MCM3AP: variants seen among roughly 807,000 people sequenced by gnomAD.
The protein encoded by MCM3AP is germinal-center associated nuclear protein.
A neutral mutation model predicts 184.1 loss-of-function variants in MCM3AP; 126 were observed. The ratio of observed to expected loss-of-function variants is 0.68; its 90% CI spans 0.59 to 0.79. The LOEUF (loss-of-function observed/expected upper bound fraction) is 0.79, where lower values mean the gene tolerates loss of function less well. MCM3AP is among the 30% of genes least tolerant of loss of function. MCM3AP has a pLI of 0.00. For missense variants in MCM3AP, 2,496 were observed against 2,479.2 expected (o/e 1.01, Z -0.14); for synonymous variants, 1,002 against 979.3 (o/e 1.02, Z -0.43).
Position 46,285,609 on chromosome 21 carries a change from G to T in MCM3AP, c.-323C>A. ...AGAGGTTTAAAGCGTGATCCTTTAA[G>T]ATTAAAAAAAAAAAAGCCGAATCTT... On this transcript the variant is annotated 5_prime_UTR_variant, in exon 1 of 28. Coordinates refer to ENST00000291688, the MANE Select transcript of MCM3AP (RefSeq NM_003906.5). The T allele has an allele frequency of 2.6e-5, 5 of 190,900 alleles. No individual in the cohort carries two copies. The highest frequency in any genetic ancestry group is 1.0e-4 in the East Asian group (1 of 9,552). 11.8% of individuals were successfully genotyped at this position (190,900 alleles called of 1,614,324 possible).
Position 46,270,525 on chromosome 21 carries a change from G to C in MCM3AP, c.2504C>G (p.Ser835Cys), listed in dbSNP as rs1338307797. The C allele has an allele frequency of 1.9e-6, 3 of 1,613,398 alleles. No individual in the cohort carries two copies. The African/African-American group carries it at 4.0e-5, about 22-fold the overall frequency. Residue 835 changes from serine (S) to cysteine (C), a missense_variant, in exon 9 of 28, where the codon TCT becomes TGT. By Grantham distance (112) the Ser-to-Cys change is moderately radical. Around this residue, in one of 5 missense-constraint regions of MCM3AP, gnomAD observed 138 missense variants for 191.9 expected, o/e 0.72. Coordinates refer to ENST00000291688, the MANE Select transcript of MCM3AP (RefSeq NM_003906.5). Reference protein sequence around the residue: ...QQFHPAVRNSSEVKFAVQAFA... With the variant: ...QQFHPAVRNSCEVKFAVQAFA... ...AGCCTGAACAGCAAATTTCACCTCA[G>C]ATGAGTTTCTAACAGCAGGATGGAA...
chr21:46,272,034 C>T (rs2081187384), intron 8 of MCM3AP, among the ~76,000 whole-genome samples: 1 of 151,758 alleles, frequency 6.6e-6, no homozygotes. Context: ...GCAGAGGGTC[C>T]ACCACAAGCA....
chr21:46,235,292 C>T lies in MCM3AP; in HGVS notation c.5919G>A (p.Ala1973=), dbSNP rs762822817. 23 of 1,614,064 alleles carry T rather than the reference C, an allele frequency of 1.4e-5. No homozygotes were observed. The highest frequency in any genetic ancestry group is 3.3e-5 in the Admixed American group (2 of 60,004). ...CTCAAATGTCCACCATGTCTAGCAGCGCAGAGAGATGGAGCTCAGAGGCAA... is the reference window on the plus strand; with the variant it reads ...CTCAAATGTCCACCATGTCTAGCAGTGCAGAGAGATGGAGCTCAGAGGCAA... ...EEVASELHLS[A]LLDMVDI Residue 1973 remains alanine (A), a synonymous_variant, in exon 28 of 28, where the codon GCG becomes GCA. Coordinates refer to ENST00000291688, the MANE Select transcript of MCM3AP (RefSeq NM_003906.5).
rs371046450 is a variant in MCM3AP, at chr21:46,240,982, T to C, written c.5462A>G (p.Asn1821Ser). Residue 1821 changes from asparagine (N) to serine (S), a missense_variant, in exon 26 of 28, where the codon AAT (asparagine) becomes AGT (serine). Physicochemically the swap from Asn to Ser is conservative, Grantham distance 46. Around this residue, in one of 5 missense-constraint regions of MCM3AP, gnomAD observed 1,323 missense variants for 1,273.4 expected, o/e 1.04. Transcript: ENST00000291688. ...AIKPFHPSAN[N>S]FPIPLLHMHR... ...CATGTGAAGCAATGGTATGGGAAAA[T>C]TGTTTGCAGAAGGATGAAAAGGCTT... The C allele has an allele frequency of 6.4e-5, 104 of 1,614,038 alleles. No individual in the cohort carries two copies. Among genetic ancestry groups the C allele is most frequent in the South Asian group, 5.2e-4 (47 of 91,076 alleles).
intron 16 of MCM3AP, among the ~76,000 whole-genome samples, chr21:46,258,715 C>T (rs1185848199): frequency 8.3e-6 from 1 of 120,622 alleles, no homozygotes; most frequent in African/African-American, 3.1e-5. Flanking sequence ...AATCTAACTC[C>T]TGACTTTTCC....
At chr21:46,248,759 A>T (rs1308393932) in intron 20 of MCM3AP, among the ~76,000 whole-genome samples, 9 of 152,190 alleles carry the variant, frequency 5.9e-5, no homozygotes, top group South Asian at 2.1e-4. Flanking sequence ...GAAAGAGGAA[A>T]TAAGTAATAT....
chr21:46,254,647 A>C, intron 18 of MCM3AP, 121 bp from the exon 19 acceptor site: 1 of 1,432,670 alleles, frequency 7.0e-7, no homozygotes, highest in Non-Finnish European at 9.7e-7. Context: ...ATTGAACTGC[A>C]AACTAGAAAC....
At chr21:46,281,246 T>G (rs2081328457) in intron 2 of MCM3AP, among the ~76,000 whole-genome samples, 2 of 152,168 alleles carry the variant, frequency 1.3e-5, no homozygotes, top group Non-Finnish European at 2.9e-5. Flanking sequence ...AAAAGGGAGC[T>G]GCAGAATAAC....
At chr21:46,259,412 C>G (rs932369945) in intron 15 of MCM3AP, 1 of 178,360 alleles carries the variant, frequency 5.6e-6, no homozygotes, top group African/African-American at 2.4e-5. Flanking sequence ...GCAGAGATCG[C>G]GCCACTGCAC....
chr21:46,246,559 C>G, intron 21 of MCM3AP, 69 bp downstream of exon 21: 1 of 1,588,014 alleles, frequency 6.3e-7, no homozygotes, highest in Non-Finnish European at 8.6e-7. Context: ...ACTGGACCAT[C>G]CTCAGACCCA....
At chr21:46,280,895 T>G (rs1334814138) in intron 2 of MCM3AP, among the ~76,000 whole-genome samples, 1 of 152,012 alleles carries the variant, frequency 6.6e-6, no homozygotes, top group South Asian at 2.1e-4. Context: ...AATCTCCACC[T>G]TCAGGGTTCA....
chr21:46,244,906 G>A lies in MCM3AP; in HGVS notation c.4939C>T (p.Leu1647Phe), dbSNP rs894267294. Residue 1647 changes from leucine to phenylalanine, a missense_variant, in exon 23 of 28, where the codon CTT (leucine) becomes TTT (phenylalanine). This residue lies in a region of MCM3AP where 1,323 missense variants were observed against 1,273.4 expected (regional missense o/e 1.04). Transcript: ENST00000291688. The stretch of plus-strand genomic sequence containing the variant: ...GGGGCATTCCAGTGCAGGTGAGGAA[G>A]CAGCCGGCTGCCCCCTGCCTCAGCA... ...EFAEAGGSRL[L>F]PHLHWNAPEH... 1 of 1,614,172 alleles carries A rather than the reference G, an allele frequency of 6.2e-7. No homozygotes were observed. Among genetic ancestry groups the A allele is most frequent in the Non-Finnish European group, 8.5e-7 (1 of 1,180,024 alleles).
Position 46,252,808 on chromosome 21 carries a change from G to A in MCM3AP, c.4137-1126C>T, listed in dbSNP as rs1384602889. Reference sequence around the variant, plus strand: ...GAAATGTACACTTTAAATGGGTGAAGTTTATGGTATGTGAATAACATTTCA... The same window carrying A: ...GAAATGTACACTTTAAATGGGTGAAATTTATGGTATGTGAATAACATTTCA... On this transcript the variant is annotated intron_variant, in intron 19 of 27. Coordinates refer to ENST00000291688, the MANE Select transcript of MCM3AP (RefSeq NM_003906.5). The A allele has an allele frequency of 3.9e-5, 6 of 152,132 alleles. No individual in the cohort carries two copies. The East Asian group carries it at 1.2e-3, about 30-fold the overall frequency. The allele number at this position is 152,132 out of a possible 1,614,324, so 9.4% of individuals were successfully genotyped here. A position where few individuals can be genotyped will look rare whatever the true frequency, so the allele number is the denominator to read the frequency against.
intron 15 of MCM3AP, 179 bp from the exon 16 acceptor site, chr21:46,259,270 A>G (rs571883053): frequency 2.3e-4 from 116 of 514,288 alleles, no homozygotes; most frequent in Non-Finnish European, 1.2e-4. Flanking sequence ...CCTGGCTAAC[A>G]TGGTGAAACC....
chr21:46,241,083 A>G (rs2080655399), intron 25 of MCM3AP, 66 bp from the exon 26 acceptor site: 1 of 1,166,628 alleles, frequency 8.6e-7, no homozygotes, highest in Admixed American at 1.7e-5. Context: ...CATGTAAAGC[A>G]TGTAGATACA....
In MCM3AP at chr21:46,241,145, C is replaced by G. The variant is rs888196016; in HGVS notation, c.5427-128G>C. On this transcript the variant is annotated intron_variant, in intron 25 of 27. Transcript: ENST00000291688. ...AACATGTGCCTCAGACACATGTGCCCTCCTGGAACAGCTCATGCTGGCCCC... is the reference window on the plus strand; with the variant it reads ...AACATGTGCCTCAGACACATGTGCCGTCCTGGAACAGCTCATGCTGGCCCC... The G allele has an allele frequency of 2.4e-5, 17 of 708,410 alleles. No individual in the cohort carries two copies. The African/African-American group carries it at 3.0e-4, about 12-fold the overall frequency. 43.9% of individuals were successfully genotyped at this position (708,410 alleles called of 1,614,324 possible).
Position 46,285,321 on chromosome 21 carries a change from T to TA in MCM3AP, c.-36dup. 2.7e-6 allele frequency: 4 copies of TA among 1,481,836 alleles called. No homozygotes were observed. Among genetic ancestry groups the TA allele is most frequent in the Non-Finnish European group, 3.7e-6 (4 of 1,067,138 alleles). The allele number at this position is 1,481,836 out of a possible 1,614,324, so 91.8% of individuals were successfully genotyped here. On this transcript the variant is annotated 5_prime_UTR_variant, in exon 1 of 28. An upstream open reading frame in the 5' UTR gains an earlier in-frame stop. Coordinates refer to ENST00000291688, the MANE Select transcript of MCM3AP (RefSeq NM_003906.5). ...CAATTATTAGAAGGTAATTAAGTAT[T>TA]ATGTGTACAAAATTAATTGGCTTCC... is the stretch of plus-strand genomic sequence containing the variant.
chr21:46,246,428 G>T (rs770853181), intron 21 of MCM3AP, 24 bp from the exon 22 acceptor site: 6 of 1,489,110 alleles, frequency 4.0e-6, no homozygotes, highest in Non-Finnish European at 5.6e-6. Context: ...ATAGATGAAG[G>T]TCACTTGCAT....
At chr21:46,257,474 CAAAAAAAAAAA>C (rs369556689) in intron 16 of MCM3AP, among the ~76,000 whole-genome samples, 16 of 49,346 alleles carry the variant, frequency 3.2e-4, no homozygotes, top group South Asian at 1.0e-3. Context: ...GGCTCCGTCT[CAAAAAAAAAAA>C]AAAAAAAAAA....
Sources: allele counts gnomAD v4.1 joint callset (sites outside exome capture counted in the v4.1 genomes callset), GRCh38; gene constraint gnomAD v4.1.1; regional missense constraint gnomAD v4.1.1; transcripts MANE v1.5; gene names NCBI Gene and HGNC (gene_info 2026-07-23, HGNC 2026-07-21).